The following ESR1 variants were observed in gnomAD, a reference collection of about 807,000 sequenced individuals.
ESR1 encodes estrogen receptor 1, also known as estrogen receptor.
ESR1 carries 12 observed loss-of-function variants against 52.7 expected under a neutral mutation model. The observed-to-expected ratio is 0.23, with a 90% confidence interval of 0.15 to 0.37. ESR1 has a LOEUF of 0.37. Ranked by LOEUF, ESR1 falls within the 10% of genes least tolerant of loss-of-function variation. ESR1 has a pLI of 1.00. For synonymous variants in ESR1, 305 were observed against 316.8 expected (o/e 0.96, Z 0.39); for missense variants, 584 against 779.7 (o/e 0.75, Z 2.99).
chr6:151,991,578 T>C (rs1169920831), intron 4 of ESR1, among the ~76,000 whole-genome samples: 2 of 151,826 alleles, frequency 1.3e-5, no homozygotes, highest in Non-Finnish European at 2.9e-5. Context: ...TAATCCTGAG[T>C]TACCTTAGGA....
chr6:152,111,970 A>C (rs1269871058), intron 6 of ESR1, among the ~76,000 whole-genome samples: 1 of 152,192 alleles, frequency 6.6e-6, no homozygotes, highest in Non-Finnish European at 1.5e-5. Context: ...ATTTTTAAAC[A>C]CCCTTTAACA....
At chr6:151,780,340 C>T (rs1300313998) in intron 2 of ESR1, among the ~76,000 whole-genome samples, 1 of 151,608 alleles carries the variant, frequency 6.6e-6, no homozygotes, top group African/African-American at 2.4e-5. Flanking sequence ...ACATGTATCC[C>T]AGAACTTAAG....
intron 2 of ESR1, among the ~76,000 whole-genome samples, chr6:151,767,144 C>T (rs1194551821): frequency 6.6e-6 from 1 of 152,116 alleles, no homozygotes; most frequent in Non-Finnish European, 1.5e-5. Flanking sequence ...GTAGCAATTG[C>T]CCCAAATTCA....
chr6:151,686,512 C>G (rs560935278), upstream of ESR1, among the ~76,000 whole-genome samples: 4 of 152,134 alleles, frequency 2.6e-5, no homozygotes, highest in African/African-American at 9.7e-5. Flanking sequence ...GGTGAAACCC[C>G]GTCTCTACTA....
chr6:151,946,031 T>C (rs1269985455), intron 4 of ESR1, among the ~76,000 whole-genome samples: 2 of 152,230 alleles, frequency 1.3e-5, no homozygotes, highest in African/African-American at 4.8e-5. Flanking sequence ...AAAAGTTTTC[T>C]TGAGTACCTA....
intron 5 of ESR1, among the ~76,000 whole-genome samples, chr6:152,020,692 C>T (rs1283008828): frequency 6.6e-6 from 1 of 152,160 alleles, no homozygotes; most frequent in African/African-American, 2.4e-5. Flanking sequence ...CTCAAGTGAT[C>T]TACCCGCCTT....
intron 1 of ESR1, among the ~76,000 whole-genome samples, chr6:151,825,374 A>G (rs1350563660): frequency 6.6e-6 from 1 of 152,200 alleles, no homozygotes; most frequent in East Asian, 1.9e-4. Context: ...AAGGATATGC[A>G]TGGGAGACAG....
At chr6:151,700,955 G>A (rs1779732178) in intron 1 of ESR1, among the ~76,000 whole-genome samples, 1 of 152,002 alleles carries the variant, frequency 6.6e-6, no homozygotes, top group South Asian at 2.1e-4. Flanking sequence ...CACCCCAAGG[G>A]AGTCTATTGA....
chr6:152,088,646 C>A (rs1167807812), intron 6 of ESR1, among the ~76,000 whole-genome samples: 2 of 152,302 alleles, frequency 1.3e-5, no homozygotes, highest in East Asian at 3.9e-4. Context: ...GCACACTCAG[C>A]CTCCTTGCCA....
chr6:151,681,108 G>C (rs1778442722), intron 1 of ESR1, among the ~76,000 whole-genome samples: 1 of 152,170 alleles, frequency 6.6e-6, no homozygotes, highest in Admixed American at 6.5e-5. Flanking sequence ...TTGGGGCCTT[G>C]GTTTGGACCT....
At chr6:151,900,263 CTAAG>C (rs1796474556) in intron 3 of ESR1, among the ~76,000 whole-genome samples, 1 of 152,304 alleles carries the variant, frequency 6.6e-6, no homozygotes, top group South Asian at 2.1e-4. Flanking sequence ...TTGCATTTCT[CTAAG>C]TGTGTCCTTC....
chr6:151,943,759 A>G (rs1352489470), intron 3 of ESR1, among the ~76,000 whole-genome samples: 1 of 152,230 alleles, frequency 6.6e-6, no homozygotes. Context: ...ATTCTATTTT[A>G]AGAATAACTA....
At chr6:151,816,012 C>T (rs189871142) in intron 1 of ESR1, among the ~76,000 whole-genome samples, 4 of 152,234 alleles carry the variant, frequency 2.6e-5, no homozygotes, top group Admixed American at 6.5e-5. Flanking sequence ...AGAGAAAATA[C>T]GTGTTTGATA....
In ESR1 at chr6:152,040,249, G is replaced by A. The variant is rs148370062; in HGVS notation, c.1236-20742G>A. On this transcript the variant is annotated intron_variant, in intron 5 of 7. Coordinates refer to ENST00000206249, the MANE Select transcript of ESR1 (RefSeq NM_000125.4). ...GAAGTCCATGTTGCTGAGCCCGTGC[G>A]TAACCTCCATCCCTGCCACCACAGC... Among the ~76,000 whole-genome samples, 134 of 152,258 alleles carry A rather than the reference G, an allele frequency of 8.8e-4. 1 individual carries two copies. The highest frequency in any genetic ancestry group is 3.0e-3 in the African/African-American group (126 of 41,538).
At chr6:151,914,338 A>G (rs929555893) in intron 3 of ESR1, among the ~76,000 whole-genome samples, 2 of 152,156 alleles carry the variant, frequency 1.3e-5, no homozygotes, top group Admixed American at 1.3e-4. Context: ...TATTGATTGA[A>G]CCAAACTTTT....
rs532622979 is a variant in ESR1 at position 152,098,614 on chromosome 6, G to C, written c.1554-118G>C. ...CCTAAAGTGGGTCTTTAAACAGGAA[G>C]AAAGAAAGATTGCTAAGTGTCTTTG... On this transcript the variant is annotated intron_variant, in intron 7 of 7. Transcript: ENST00000206249. This position sits in a 1 kb window ranked among gnomAD's most constrained non-coding sequence, Gnocchi z 5.1. 644 of 864,530 alleles carry C rather than the reference G, an allele frequency of 7.4e-4. 1 individual carries two copies. Among genetic ancestry groups the C allele is most frequent in the Non-Finnish European group, 1.0e-3 (550 of 529,688 alleles). 53.6% of individuals were successfully genotyped at this position (864,530 alleles called of 1,614,324 possible).
chr6:151,964,598 G>C (rs962320672), intron 4 of ESR1, among the ~76,000 whole-genome samples: 1 of 151,008 alleles, frequency 6.6e-6, no homozygotes, highest in Non-Finnish European at 1.5e-5. Context: ...CTGTATATAT[G>C]ATGATGTCAT....
chr6:151,741,392 A>G (rs1783087027), intron 2 of ESR1, among the ~76,000 whole-genome samples: 1 of 152,176 alleles, frequency 6.6e-6, no homozygotes, highest in Non-Finnish European at 1.5e-5. Flanking sequence ...CGAGGAGCGC[A>G]TACGGGATAA....
At chr6:152,013,421 C>T (rs915318199) in intron 5 of ESR1, among the ~76,000 whole-genome samples, 2 of 152,094 alleles carry the variant, frequency 1.3e-5, no homozygotes, top group African/African-American at 4.8e-5. Context: ...TCCTTGATTT[C>T]CATCCTCATC....
Sources: allele counts gnomAD v4.1 joint callset (sites outside exome capture counted in the v4.1 genomes callset), GRCh38; gene constraint gnomAD v4.1.1; non-coding constraint Gnocchi (gnomAD v3.1); transcripts MANE v1.5; gene names NCBI Gene and HGNC (gene_info 2026-07-23, HGNC 2026-07-21).